ARHGAP42: variants seen among roughly 807,000 people sequenced by gnomAD.
ARHGAP42 encodes rho GTPase-activating protein 42.
ARHGAP42 carries 63 observed loss-of-function variants against 125.0 expected under a neutral mutation model. The ratio of observed to expected loss-of-function variants is 0.50; its 90% CI spans 0.41 to 0.62. The LOEUF is 0.62. ARHGAP42 is among the 20% of genes least tolerant of loss of function. The probability of loss-of-function intolerance (pLI) is 0.00; values close to 1 mark genes in which losing one functional copy is unlikely to be tolerated. For synonymous variants in ARHGAP42, 339 were observed against 351.0 expected (o/e 0.97, Z 0.38); for missense variants, 766 against 1,024.2 (o/e 0.75, Z 3.44).
intron 3 of ARHGAP42, among the ~76,000 whole-genome samples, chr11:100,834,938 G>A (rs1311824940): frequency 6.8e-6 from 1 of 146,218 alleles, no homozygotes; most frequent in Non-Finnish European, 1.5e-5. Flanking sequence ...TAAAAACATT[G>A]AATTTTTAAT....
At chr11:100,887,215 G>A (rs888680864) in intron 4 of ARHGAP42, among the ~76,000 whole-genome samples, 1 of 152,172 alleles carries the variant, frequency 6.6e-6, no homozygotes, top group Non-Finnish European at 1.5e-5. Context: ...TGAGCATTCT[G>A]TCATCTCTAC....
intron 3 of ARHGAP42, among the ~76,000 whole-genome samples, chr11:100,801,313 A>G (rs1412402108): frequency 1.3e-5 from 2 of 152,182 alleles, no homozygotes; most frequent in Non-Finnish European, 2.9e-5. Context: ...TTATAAAACC[A>G]CTAGTTCAGA....
At chr11:100,963,299 T>C (rs927446620) in intron 16 of ARHGAP42, among the ~76,000 whole-genome samples, 15 of 152,206 alleles carry the variant, frequency 9.9e-5, no homozygotes, top group Non-Finnish European at 2.1e-4. Context: ...GATAGATCAA[T>C]TTAAAATATT....
At chr11:100,819,629 C>T (rs190183055) in intron 3 of ARHGAP42, among the ~76,000 whole-genome samples, 130 of 152,130 alleles carry the variant, frequency 8.5e-4, no homozygotes, top group African/African-American at 3.1e-3. Context: ...ATTTGTTTCC[C>T]CATTAGTGAT....
At chr11:100,703,936 C>G (rs1861438094) in intron 1 of ARHGAP42, among the ~76,000 whole-genome samples, 1 of 152,136 alleles carries the variant, frequency 6.6e-6, no homozygotes, top group African/African-American at 2.4e-5. Context: ...CTAGGTGTCT[C>G]TTATGATACA....
intron 2 of ARHGAP42, among the ~76,000 whole-genome samples, chr11:100,775,888 G>A (rs1231758495): frequency 2.6e-5 from 4 of 152,138 alleles, no homozygotes; most frequent in Admixed American, 6.6e-5. Context: ...GGCCGGGTAC[G>A]GTGGCTCACG....
intron 4 of ARHGAP42, among the ~76,000 whole-genome samples, chr11:100,897,793 C>A (rs1196368072): frequency 6.6e-6 from 1 of 152,122 alleles, no homozygotes; most frequent in African/African-American, 2.4e-5. Flanking sequence ...CAAACAGGGA[C>A]AATTTGACTT....
At chr11:100,968,522 A>G (rs537188110) in intron 17 of ARHGAP42, among the ~76,000 whole-genome samples, 2 of 152,260 alleles carry the variant, frequency 1.3e-5, no homozygotes, top group Non-Finnish European at 2.9e-5. Flanking sequence ...TTGTGCTATC[A>G]TTAATAAACA....
intron 15 of ARHGAP42, 124 bp from the exon 16 acceptor site, chr11:100,962,281 CTTAT>C (rs1857974993): frequency 1.3e-6 from 1 of 757,026 alleles, no homozygotes; most frequent in African/African-American, 1.8e-5. Flanking sequence ...CTTTTATTTA[CTTAT>C]TTATGTGTTA....
At chr11:100,917,797 C>T (rs1368712775) in intron 5 of ARHGAP42, among the ~76,000 whole-genome samples, 1 of 152,168 alleles carries the variant, frequency 6.6e-6, no homozygotes, top group African/African-American at 2.4e-5. Flanking sequence ...GTCTTGAACT[C>T]CTGACCTCAA....
intron 3 of ARHGAP42, among the ~76,000 whole-genome samples, chr11:100,816,266 T>C (rs557721819): frequency 6.6e-6 from 1 of 152,326 alleles, no homozygotes; most frequent in Admixed American, 6.5e-5. Flanking sequence ...ACAATCCCAC[T>C]AACAGAGCAC....
chr11:100,715,741 G>A (rs1019209586), intron 1 of ARHGAP42, among the ~76,000 whole-genome samples: 10 of 152,148 alleles, frequency 6.6e-5, no homozygotes, highest in African/African-American at 2.4e-4. Flanking sequence ...GATTGATATT[G>A]GTGTGTGGTA....
intron 3 of ARHGAP42, among the ~76,000 whole-genome samples, chr11:100,839,234 A>G (rs889397091): frequency 5.3e-5 from 8 of 152,220 alleles, no homozygotes; most frequent in African/African-American, 1.9e-4. Flanking sequence ...AGTATCTGCA[A>G]ATCCTAAATC....
At chr11:100,788,318 A>G (rs564165456) in intron 2 of ARHGAP42, among the ~76,000 whole-genome samples, 3 of 152,294 alleles carry the variant, frequency 2.0e-5, no homozygotes, top group African/African-American at 7.2e-5. Flanking sequence ...ATCTGACCAC[A>G]AGGAGGACAT....
intron 17 of ARHGAP42, among the ~76,000 whole-genome samples, chr11:100,966,058 A>G (rs554400003): frequency 6.6e-6 from 1 of 152,218 alleles, no homozygotes; most frequent in East Asian, 1.9e-4. Context: ...ATGAAGGAGT[A>G]TATAGTTTTT....
rs573456885 is a variant in ARHGAP42 at position 100,992,064 on chromosome 11, G to A, written c.*3263G>A. On this transcript the variant is annotated 3_prime_UTR_variant, in exon 24 of 24. Coordinates refer to ENST00000298815, the MANE Select transcript of ARHGAP42 (RefSeq NM_152432.4). ...TGCTCACCTTCTCACTCCTAGCACC[G>A]TTCTTCTGGTCTGTGTTGAAAAGGG... is the stretch of plus-strand genomic sequence containing the variant. The A allele has an allele frequency of 7.6e-5, 36 of 474,860 alleles. No homozygotes were observed. In the South Asian group the frequency reaches 9.5e-4, roughly 12 times the overall value. The allele number at this position is 474,860 out of a possible 1,614,324, so 29.4% of individuals were successfully genotyped here.
At position 100,990,604 on chromosome 11, in the gene ARHGAP42, C is replaced by T. The variant is rs543574938; in HGVS notation, c.*1803C>T. ...TTCTTTTATCTCTTACTGTTGACCT[C>T]TGTGCACTGTAATAAGGTGTGTTGC... On this transcript the variant is annotated 3_prime_UTR_variant, in exon 24 of 24. Transcript: ENST00000298815. 6.6e-6 allele frequency: 1 copy of T among 152,662 alleles called. No individual in the cohort carries two copies. Among genetic ancestry groups the T allele is most frequent in the East Asian group, 1.9e-4 (1 of 5,180 alleles). The allele number at this position is 152,662 out of a possible 1,614,324, so 9.5% of individuals were successfully genotyped here.
intron 1 of ARHGAP42, among the ~76,000 whole-genome samples, chr11:100,732,885 A>G (rs1861985455): frequency 6.6e-6 from 1 of 152,108 alleles, no homozygotes; most frequent in South Asian, 2.1e-4. Context: ...TACTTTTTAT[A>G]CTAATTATTC....
intron 3 of ARHGAP42, among the ~76,000 whole-genome samples, chr11:100,845,350 G>GA (rs922732015): frequency 6.6e-6 from 1 of 152,072 alleles, no homozygotes; most frequent in Non-Finnish European, 1.5e-5. Flanking sequence ...GACTCAGAGG[G>GA]AAAGGGTGGG....
Sources: gnomAD v4.1 joint callset for allele counts (sites outside exome capture counted in the v4.1 genomes callset) on GRCh38, gnomAD v4.1.1 for gene constraint, MANE v1.5 for transcripts, NCBI Gene and HGNC (gene_info 2026-07-23, HGNC 2026-07-21) for gene names.